The following SVIL variants were observed in gnomAD, a reference collection of about 807,000 sequenced individuals.
SVIL encodes supervillin.
SVIL carries 101 observed loss-of-function variants against 240.4 expected under a neutral mutation model. The ratio of observed to expected loss-of-function variants is 0.42; its 90% CI spans 0.36 to 0.50. The LOEUF (loss-of-function observed/expected upper bound fraction) is 0.50. Ranked by LOEUF, SVIL falls within the 20% of genes least tolerant of loss-of-function variation. The pLI is 0.01. For missense variants in SVIL, 2,512 were observed against 2,818.7 expected, an observed-to-expected ratio of 0.89 and a Z score of 2.46; for synonymous variants, 999 against 1,100.0, an observed-to-expected ratio of 0.91 and a Z score of 1.82.
chr10:29,563,560 T>C (rs1220123853), intron 2 of SVIL, among the ~76,000 whole-genome samples: 1 of 151,650 alleles, frequency 6.6e-6, no homozygotes, highest in Admixed American at 6.6e-5. Context: ...GAACTGGGAG[T>C]CGTGAGCTTT....
At chr10:29,703,742 T>TG (rs1332007582) in intron 1 of SVIL, among the ~76,000 whole-genome samples, 3 of 152,174 alleles carry the variant, frequency 2.0e-5, no homozygotes, top group Non-Finnish European at 2.9e-5. Context: ...GACAAACAGT[T>TG]GGGGAAAGTT....
At chr10:29,687,276 C>T (rs946472104) in intron 1 of SVIL, among the ~76,000 whole-genome samples, 3 of 152,222 alleles carry the variant, frequency 2.0e-5, no homozygotes, top group Non-Finnish European at 4.4e-5. Flanking sequence ...ATCAATCATT[C>T]CTCCACCTAC....
chr10:29,539,289 G>A (rs760487820), intron 6 of SVIL, among the ~76,000 whole-genome samples: 1 of 152,140 alleles, frequency 6.6e-6, no homozygotes, highest in Non-Finnish European at 1.5e-5. Flanking sequence ...AGTCAACACA[G>A]CAATGAAAGT....
chr10:29,556,203 T>C (rs1392587425), intron 3 of SVIL, among the ~76,000 whole-genome samples: 1 of 152,090 alleles, frequency 6.6e-6, no homozygotes, highest in Non-Finnish European at 1.5e-5. Flanking sequence ...TCTTTTTGCC[T>C]CCTCCTCAAT....
intron 1 of SVIL, among the ~76,000 whole-genome samples, chr10:29,710,235 G>T (rs960481830): frequency 6.6e-6 from 1 of 151,932 alleles, no homozygotes; most frequent in African/African-American, 2.4e-5. Flanking sequence ...TTAATTTTTC[G>T]TAGAGACAGG....
chr10:29,538,534 C>T (rs56944889), intron 6 of SVIL, among the ~76,000 whole-genome samples: 24,950 of 152,246 alleles, frequency 0.16, 2,192 homozygotes, highest in African/African-American at 0.21. Context: ...TTCTGTTCTT[C>T]TCCTGGGCCG....
chr10:29,638,390 C>T (rs1958379563), upstream of SVIL, among the ~76,000 whole-genome samples: 3 of 151,728 alleles, frequency 2.0e-5, no homozygotes, highest in Admixed American at 6.6e-5. Flanking sequence ...TGCTTGAACC[C>T]GGGAGGCGGA....
At chr10:29,718,026 A>G (rs1487071474) in intron 1 of SVIL, among the ~76,000 whole-genome samples, 1 of 152,170 alleles carries the variant, frequency 6.6e-6, no homozygotes, top group Non-Finnish European at 1.5e-5. Flanking sequence ...ATATAATTAA[A>G]TTAATTTCAC....
At chr10:29,592,151 C>T (rs979610746) in intron 1 of SVIL, among the ~76,000 whole-genome samples, 1 of 152,114 alleles carries the variant, frequency 6.6e-6, no homozygotes, top group African/African-American at 2.4e-5. Context: ...GCTTGGGAGG[C>T]TGAGGTGGGA....
chr10:29,614,139 T>G (rs187603977), intron 1 of SVIL, among the ~76,000 whole-genome samples: 1 of 152,302 alleles, frequency 6.6e-6, no homozygotes, highest in Admixed American at 6.5e-5. Flanking sequence ...TTTAAAAAAT[T>G]AAAGGATATT....
rs1263469032 is a variant in SVIL at position 29,462,369 on chromosome 10, A to G, written c.6310T>C (p.Tyr2104His). 1.2e-6 allele frequency: 2 copies of G among 1,614,172 alleles called. No individual in the cohort carries two copies. The highest frequency in any genetic ancestry group is 2.2e-5 in the East Asian group (1 of 44,878). The change falls in exon 36 of 38, where the codon TAC becomes CAC. Residue 2104 changes from tyrosine (Y) to histidine (H), a missense_variant. Physicochemically the swap from Tyr to His is moderately conservative, Grantham distance 83. This residue lies in a region of SVIL where 797 missense variants were observed against 925.3 expected (regional missense o/e 0.86). Coordinates refer to ENST00000355867, the MANE Select transcript of SVIL (RefSeq NM_021738.3). Reference protein sequence around the residue: ...KNLKKPAPKSYLIHAGLEPLT... With the variant: ...KNLKKPAPKSHLIHAGLEPLT... The stretch of plus-strand genomic sequence containing the variant: ...GGCTCCAGACCAGCGTGGATAAGGT[A>G]AGACTTGGGGGCTGGTTTCTTGAGA...
intron 2 of SVIL, among the ~76,000 whole-genome samples, chr10:29,674,590 C>T (rs960478644): frequency 3.9e-5 from 6 of 152,276 alleles, no homozygotes; most frequent in East Asian, 1.9e-4. Flanking sequence ...AAGAATGTCT[C>T]GCATTTCCAA....
chr10:29,606,542 T>C (rs374875290), intron 1 of SVIL, among the ~76,000 whole-genome samples: 1 of 152,186 alleles, frequency 6.6e-6, no homozygotes, highest in East Asian at 1.9e-4. Flanking sequence ...TCATTTTACC[T>C]CTATATACTT....
At chr10:29,665,174 C>T (rs974146198) in intron 2 of SVIL, among the ~76,000 whole-genome samples, 13 of 136,686 alleles carry the variant, frequency 9.5e-5, no homozygotes, top group African/African-American at 3.7e-4. Flanking sequence ...CTGCAGTGAG[C>T]TGTGATTGCC....
In SVIL at chr10:29,549,362, T is replaced by C. The variant is rs202189679; in HGVS notation, c.827+1235A>G. Reference sequence around the variant, plus strand: ...AGTTAGAATGGCAGTCATTAAAAAGTCAGGAAACAACAGGTGCTGGAGAGG... The same window carrying C: ...AGTTAGAATGGCAGTCATTAAAAAGCCAGGAAACAACAGGTGCTGGAGAGG... On this transcript the variant is annotated intron_variant, in intron 6 of 37. Transcript: ENST00000355867. Among the ~76,000 whole-genome samples, 71 of 133,404 alleles carry C rather than the reference T, an allele frequency of 5.3e-4. 2 individuals carry two copies. In the East Asian group the frequency reaches 7.0e-3, roughly 13 times the overall value. The allele number at this position is 133,404 out of a possible 152,430, so 87.5% of individuals were successfully genotyped here. A position where few individuals can be genotyped will look rare whatever the true frequency, so the allele number is the denominator to read the frequency against.
At chr10:29,525,957 C>T (rs1298752021) in intron 13 of SVIL, among the ~76,000 whole-genome samples, 2 of 152,136 alleles carry the variant, frequency 1.3e-5, no homozygotes, top group Non-Finnish European at 2.9e-5. Flanking sequence ...CCGGGAGGGC[C>T]CTGCTGTGGG....
intron 1 of SVIL, among the ~76,000 whole-genome samples, chr10:29,603,531 T>A (rs1956894851): frequency 6.6e-6 from 1 of 151,952 alleles, no homozygotes; most frequent in South Asian, 2.1e-4. Flanking sequence ...CCAAGAATTA[T>A]AATTTATGGC....
Position 29,602,743 on chromosome 10 carries a change from C to CG in SVIL, c.-201+31676dup, listed in dbSNP as rs1956864401. Among the ~76,000 whole-genome samples, 3 of 151,924 alleles carry CG rather than the reference C, an allele frequency of 2.0e-5. 1 individual carries two copies. Among genetic ancestry groups the CG allele is most frequent in the Admixed American group, 2.0e-4 (3 of 15,258 alleles). ...GCTCACGCCTGTAATCCCAGCACTT[C>CG]GGGGGGCCGAGGCAGTTGGATCACC... On this transcript the variant is annotated intron_variant, in intron 1 of 37. Transcript: ENST00000355867.
chr10:29,694,085 C>T (rs923462931), intron 1 of SVIL, among the ~76,000 whole-genome samples: 3 of 151,758 alleles, frequency 2.0e-5, no homozygotes, highest in African/African-American at 7.3e-5. Flanking sequence ...TTGTAATGAA[C>T]GAACAAAGTC....
Sources: gnomAD v4.1 joint callset for allele counts (sites outside exome capture counted in the v4.1 genomes callset) on GRCh38, gnomAD v4.1.1 for gene constraint, gnomAD v4.1.1 regional missense constraint, MANE v1.5 for transcripts, NCBI Gene and HGNC (gene_info 2026-07-23, HGNC 2026-07-21) for gene names.